Variants in KDM6A observed in about 807,000 individuals in gnomAD.
KDM6A encodes the protein lysine demethylase 6A, also known as lysine-specific demethylase 6A.
KDM6A carries 11 observed loss-of-function variants against 117.6 expected under a neutral mutation model. The ratio of observed to expected loss-of-function variants is 0.09; its 90% CI spans 0.06 to 0.15. KDM6A has a LOEUF of 0.15. Among genes scored for constraint, KDM6A ranks in the 10% least tolerant of loss-of-function variants. The pLI, the probability that KDM6A is intolerant of heterozygous loss-of-function variation, is 1.00. For missense variants in KDM6A, 799 were observed against 1,077.3 expected (o/e 0.74, Z 3.62); for synonymous variants, 384 against 396.1 (o/e 0.97, Z 0.36).
intron 2 of KDM6A, among the ~76,000 whole-genome samples, chrX:44,911,388 A>G (rs58761324): frequency 0.26 from 22,846 of 89,271 alleles, 4,248 homozygotes; most frequent in African/African-American, 0.64. Flanking sequence ...CCTCCCAGAC[A>G]GGGTCGCGGC....
At chrX:44,989,098 C>T (rs774933043) in intron 4 of KDM6A, among the ~76,000 whole-genome samples, 6 of 106,672 alleles carry the variant, frequency 5.6e-5, no homozygotes, top group South Asian at 8.7e-4. Flanking sequence ...ACTCAAGCCT[C>T]GGCAATGGGG....
chrX:44,971,116 A>G (rs947355188), intron 3 of KDM6A, among the ~76,000 whole-genome samples: 2 of 111,687 alleles, frequency 1.8e-5, no homozygotes, highest in Non-Finnish European at 3.8e-5. Flanking sequence ...CATTGACTAC[A>G]CAAACTCTTG....
chrX:44,952,555 G>A (rs1280007889), intron 2 of KDM6A, among the ~76,000 whole-genome samples: 4 of 111,154 alleles, frequency 3.6e-5, no homozygotes, highest in Non-Finnish European at 5.7e-5. Context: ...TTATAGGCGC[G>A]AGCCACCGCG....
intron 2 of KDM6A, among the ~76,000 whole-genome samples, chrX:44,921,481 C>G (rs996065151): frequency 6.3e-5 from 7 of 111,429 alleles, no homozygotes; most frequent in African/African-American, 2.3e-4. Context: ...CACAAGATTC[C>G]TTTGTGCTGT....
chrX:45,042,291 G>A (rs1328702635), intron 8 of KDM6A, among the ~76,000 whole-genome samples: 1 of 68,884 alleles, frequency 1.5e-5, no homozygotes, highest in Non-Finnish European at 2.4e-5. Context: ...AGAGGGGAGA[G>A]GGGAGAGGGG....
At chrX:45,050,498 C>T (rs1230547699) in intron 8 of KDM6A, among the ~76,000 whole-genome samples, 1 of 111,814 alleles carries the variant, frequency 8.9e-6, no homozygotes, top group Non-Finnish European at 1.9e-5. Context: ...TGTTTTATTG[C>T]ATCAGTTTTT....
At chrX:45,111,170 G>A (rs2046754578) in intron 29 of KDM6A, among the ~76,000 whole-genome samples, 1 of 111,000 alleles carries the variant, frequency 9.0e-6, no homozygotes, top group South Asian at 3.8e-4. Flanking sequence ...ATAGAAAATT[G>A]CAAGTACACT....
At chrX:45,067,663 T>TTTTTG (rs2148019649) in intron 17 of KDM6A, among the ~76,000 whole-genome samples, 1 of 98,976 alleles carries the variant, frequency 1.0e-5, no homozygotes, top group African/African-American at 4.1e-5. Flanking sequence ...GTTTTTTTTT[T>TTTTTG]TTTTTTTGAG....
intron 2 of KDM6A, among the ~76,000 whole-genome samples, chrX:44,895,078 A>AT (rs751940585): frequency 2.6e-4 from 13 of 50,966 alleles, no homozygotes; most frequent in African/African-American, 4.2e-4. Context: ...CTTTTATTTT[A>AT]TTTATTTATT....
intron 2 of KDM6A, among the ~76,000 whole-genome samples, chrX:44,953,186 G>T (rs886363331): frequency 5.4e-5 from 6 of 111,368 alleles, no homozygotes; most frequent in African/African-American, 2.0e-4. Context: ...ACTGTTCCAG[G>T]AACATGGGCT....
chrX:45,088,125 A>G (rs1261654920), intron 25 of KDM6A, among the ~76,000 whole-genome samples: 1 of 111,514 alleles, frequency 9.0e-6, no homozygotes, highest in Non-Finnish European at 1.9e-5. Flanking sequence ...TTGTAATGGC[A>G]ATACATGGGT....
chrX:45,079,419 G>T (rs2045286015), intron 21 of KDM6A, 68 bp downstream of exon 21: 1 of 804,895 alleles, frequency 1.2e-6, no homozygotes, highest in African/African-American at 2.1e-5. Context: ...GTTTTGAAAG[G>T]ACACATTACT....
chrX:44,888,918 A>T (rs571432204), intron 2 of KDM6A, among the ~76,000 whole-genome samples: 2 of 112,352 alleles, frequency 1.8e-5, no homozygotes, highest in Middle Eastern at 9.1e-3. Flanking sequence ...GGGCATGTAG[A>T]TATTACAAAG....
At chrX:45,040,170 C>T (rs1251772871) in intron 8 of KDM6A, among the ~76,000 whole-genome samples, 4 of 76,173 alleles carry the variant, frequency 5.3e-5, no homozygotes, top group Admixed American at 1.4e-4. Flanking sequence ...CCGGACGGGG[C>T]GGCTGGCCAG....
At chrX:44,907,766 T>C (rs1416425429) in intron 2 of KDM6A, among the ~76,000 whole-genome samples, 1 of 104,265 alleles carries the variant, frequency 9.6e-6, no homozygotes, top group Non-Finnish European at 2.0e-5. Context: ...TTTTTTTTTT[T>C]TTTTTTTTAA....
At chrX:44,900,160 C>A (rs933433971) in intron 2 of KDM6A, among the ~76,000 whole-genome samples, 8 of 112,222 alleles carry the variant, frequency 7.1e-5, no homozygotes, top group Admixed American at 2.8e-4. Flanking sequence ...GCCAAATATA[C>A]CAGTATAACA....
chrX:44,926,478 C>T (rs1344140211), intron 2 of KDM6A, among the ~76,000 whole-genome samples: 1 of 111,411 alleles, frequency 9.0e-6, no homozygotes, highest in Non-Finnish European at 1.9e-5. Flanking sequence ...CTACTGATTC[C>T]TCTTGATGGC....
chrX:45,041,496 G>T (rs1478937206), intron 8 of KDM6A, among the ~76,000 whole-genome samples: 5 of 105,534 alleles, frequency 4.7e-5, no homozygotes, highest in Non-Finnish European at 9.7e-5. Flanking sequence ...CTTCCCAGAC[G>T]GGGTGGCTGC....
intron 3 of KDM6A, among the ~76,000 whole-genome samples, chrX:44,972,832 C>T (rs1054390199): frequency 6.3e-5 from 7 of 110,303 alleles, no homozygotes; most frequent in Non-Finnish European, 1.1e-4. Context: ...GTCGGGAGTT[C>T]GAGACCAGCC....
Sources: allele counts gnomAD v4.1 joint callset (sites outside exome capture counted in the v4.1 genomes callset), GRCh38; gene constraint gnomAD v4.1.1; transcripts MANE v1.5; gene names NCBI Gene and HGNC (gene_info 2026-07-23, HGNC 2026-07-21).